COL4A5: variants seen among roughly 807,000 people sequenced by gnomAD.
COL4A5 encodes collagen alpha-5(IV) chain.
COL4A5 carries 26 observed loss-of-function variants against 130.2 expected under a neutral mutation model. The ratio of observed to expected loss-of-function variants is 0.20; its 90% CI spans 0.15 to 0.28. The LOEUF (loss-of-function observed/expected upper bound fraction) is 0.28. Among genes scored for constraint, COL4A5 ranks in the 10% least tolerant of loss-of-function variants. The pLI, the probability that COL4A5 is intolerant of heterozygous loss-of-function variation, is 1.00. For synonymous variants in COL4A5, 496 were observed against 439.6 expected, an observed-to-expected ratio of 1.13 and a Z score of -1.60; for missense variants, 1,131 against 1,344.3, an observed-to-expected ratio of 0.84 and a Z score of 2.48.
intron 2 of COL4A5, among the ~76,000 whole-genome samples, chrX:108,556,968 T>G (rs1371960436): frequency 9.0e-6 from 1 of 111,687 alleles, no homozygotes; most frequent in African/African-American, 3.3e-5. Flanking sequence ...ATATCATTTA[T>G]AGGTATATGG....
intron 29 of COL4A5, among the ~76,000 whole-genome samples, chrX:108,608,732 C>T (rs940483728): frequency 9.0e-6 from 1 of 111,635 alleles, no homozygotes; most frequent in Non-Finnish European, 1.9e-5. Flanking sequence ...CAAATGCATA[C>T]ACTTGTATAA....
At chrX:108,534,055 G>T (rs774433064) in intron 1 of COL4A5, among the ~76,000 whole-genome samples, 26 of 108,061 alleles carry the variant, frequency 2.4e-4, no homozygotes, top group Non-Finnish European at 4.0e-4. Flanking sequence ...TGTTGGCAAG[G>T]ATAAAAAAAA....
At chrX:108,635,054 G>C (rs2067329038) in intron 36 of COL4A5, among the ~76,000 whole-genome samples, 1 of 111,392 alleles carries the variant, frequency 9.0e-6, no homozygotes, top group South Asian at 3.7e-4. Context: ...GGATGTCACT[G>C]TTTATGAAAC....
At chrX:108,591,812 C>T (rs2066441546) in intron 21 of COL4A5, among the ~76,000 whole-genome samples, 168 bp downstream of exon 21, 1 of 111,391 alleles carries the variant, frequency 9.0e-6, no homozygotes, top group Non-Finnish European at 1.9e-5. Flanking sequence ...TTTCATGCAT[C>T]CCATTTTTTG....
chrX:108,462,799 T>TA (rs747706212), intron 1 of COL4A5: 1 of 112,830 alleles, frequency 8.9e-6, no homozygotes, highest in African/African-American at 3.2e-5. Context: ...TTTTTTCCAG[T>TA]AAAAAATTCC....
At chrX:108,500,127 T>C (rs1456827961) in intron 1 of COL4A5, among the ~76,000 whole-genome samples, 1 of 112,207 alleles carries the variant, frequency 8.9e-6, no homozygotes, top group African/African-American at 3.2e-5. Context: ...CCTGAACTGT[T>C]TTCATTCTTG....
chrX:108,649,897 A>G (rs1391893507), intron 36 of COL4A5, among the ~76,000 whole-genome samples: 2 of 111,715 alleles, frequency 1.8e-5, no homozygotes, highest in Non-Finnish European at 3.8e-5. Flanking sequence ...TAAAAACAAG[A>G]TAAATAATTG....
At chrX:108,587,006 C>T (rs2066347700) in intron 19 of COL4A5, among the ~76,000 whole-genome samples, 1 of 111,298 alleles carries the variant, frequency 9.0e-6, no homozygotes, top group Admixed American at 9.6e-5. Context: ...CATAATTGTA[C>T]ATATTTATGG....
chrX:108,537,439 T>C (rs1457477084), intron 1 of COL4A5, among the ~76,000 whole-genome samples: 2 of 112,044 alleles, frequency 1.8e-5, no homozygotes. Flanking sequence ...ACAAAATTAC[T>C]TGTAAAATGA....
At position 108,539,342 on chromosome X, in the gene COL4A5, C is replaced by T. The variant is rs151117376; in HGVS notation, c.82-404C>T. 8.2e-3 allele frequency among the ~76,000 whole-genome samples: 915 copies of T among 111,756 alleles called. 7 individuals carry two copies. The highest frequency in any genetic ancestry group is 0.014 in the Non-Finnish European group (767 of 53,116). ...AAAGGGTAGTGATAACCCCAAATGG[C>T]TGTTAATGTAAGAATAATTAACTTT... is the stretch of plus-strand genomic sequence containing the variant. On this transcript the variant is annotated intron_variant, in intron 1 of 52. Coordinates refer to ENST00000328300, the MANE Select transcript of COL4A5 (RefSeq NM_033380.3).
intron 37 of COL4A5, 67 bp downstream of exon 37, chrX:108,655,524 C>T: frequency 8.8e-7 from 1 of 1,135,134 alleles, no homozygotes; most frequent in South Asian, 1.8e-5. Context: ...TATCACAGAG[C>T]AGCTTCTTAT....
intron 1 of COL4A5, among the ~76,000 whole-genome samples, chrX:108,527,695 A>G (rs762481945): frequency 3.6e-5 from 4 of 111,326 alleles, no homozygotes; most frequent in Non-Finnish European, 7.5e-5. Flanking sequence ...CCTGAGCACA[A>G]GCCGCAGAGC....
chrX:108,602,508 A>G (rs1392195705), intron 27 of COL4A5, among the ~76,000 whole-genome samples: 3 of 112,585 alleles, frequency 2.7e-5, no homozygotes, highest in Non-Finnish European at 5.6e-5. Context: ...GTTCTTAAAT[A>G]TATCTTTACT....
At chrX:108,589,897 A>G (rs1029362212) in intron 19 of COL4A5, among the ~76,000 whole-genome samples, 1 of 111,529 alleles carries the variant, frequency 9.0e-6, no homozygotes, top group African/African-American at 3.2e-5. Context: ...AAGGACTAAT[A>G]TCCAGAATCT....
chrX:108,580,844 C>CG, intron 15 of COL4A5, 106 bp downstream of exon 15: 1 of 950,822 alleles, frequency 1.1e-6, no homozygotes, highest in South Asian at 1.9e-5. Flanking sequence ...AATATCACTA[C>CG]TGACATTATA....
At chrX:108,498,628 G>T (rs1293044738) in intron 1 of COL4A5, among the ~76,000 whole-genome samples, 1 of 110,790 alleles carries the variant, frequency 9.0e-6, no homozygotes, top group Admixed American at 9.6e-5. Flanking sequence ...TATGAGTCTA[G>T]CATATATTTC....
At chrX:108,580,440 T>A in intron 13 of COL4A5, 93 bp from the exon 14 acceptor site, 1 of 739,548 alleles carries the variant, frequency 1.4e-6, no homozygotes, top group Non-Finnish European at 2.1e-6. Context: ...GTGGTTCAGT[T>A]TATTAAAAAT....
chrX:108,563,668 T>G (rs1185443720), intron 3 of COL4A5, among the ~76,000 whole-genome samples: 1 of 111,769 alleles, frequency 8.9e-6, no homozygotes, highest in South Asian at 3.7e-4. Flanking sequence ...AGCGATTTCC[T>G]TCTCAGGAAA....
intron 29 of COL4A5, among the ~76,000 whole-genome samples, chrX:108,607,600 CAGCCTCCTCAGT>C (rs1159373606): frequency 3.0e-4 from 31 of 104,997 alleles, no homozygotes; most frequent in African/African-American, 1.1e-3. Context: ...TCTCCTGCCT[CAGCCTCCTCAGT>C]AGCTAGGATT....
Sources: allele counts gnomAD v4.1 joint callset (sites outside exome capture counted in the v4.1 genomes callset), GRCh38; gene constraint gnomAD v4.1.1; transcripts MANE v1.5; gene names NCBI Gene and HGNC (gene_info 2026-07-23, HGNC 2026-07-21).